CDH18: variants seen among roughly 807,000 people sequenced by gnomAD.
CDH18 encodes the protein cadherin-18.
A neutral mutation model predicts 67.9 loss-of-function variants in CDH18; 31 were observed. The observed-to-expected ratio is 0.46, with a 90% CI of 0.34 to 0.62. The LOEUF (loss-of-function observed/expected upper bound fraction) is 0.62. Among genes scored for constraint, CDH18 ranks in the 20% least tolerant of loss-of-function variants. CDH18 has a pLI of 0.01. For synonymous variants in CDH18, 362 were observed against 347.2 expected, an observed-to-expected ratio of 1.04 and a Z score of -0.48; for missense variants, 890 against 975.5, an observed-to-expected ratio of 0.91 and a Z score of 1.17.
chr5:19,796,177 T>A (rs10071458), intron 3 of CDH18, among the ~76,000 whole-genome samples: 2,912 of 152,092 alleles, frequency 0.019, 79 homozygotes, highest in African/African-American at 0.066. Flanking sequence ...GACTGAAAAC[T>A]TTTTCCCAGA....
intron 2 of CDH18, among the ~76,000 whole-genome samples, chr5:20,041,594 C>T (rs1326143149): frequency 1.3e-5 from 2 of 152,140 alleles, no homozygotes; most frequent in African/African-American, 4.8e-5. Context: ...TTGATAATGT[C>T]ACAGGGAAAA....
chr5:19,996,176 T>C (rs1736003676), intron 2 of CDH18, among the ~76,000 whole-genome samples: 1 of 152,152 alleles, frequency 6.6e-6, no homozygotes. Flanking sequence ...TATAGTAATA[T>C]ATAGTAACTC....
At chr5:20,176,669 A>T (rs1737259379) in intron 2 of CDH18, among the ~76,000 whole-genome samples, 1 of 152,172 alleles carries the variant, frequency 6.6e-6, no homozygotes, top group Admixed American at 6.6e-5. Context: ...AGTTGAATGT[A>T]TTTGGAAAAT....
rs140268110 is a variant in CDH18 at position 19,926,226 on chromosome 5, C to A, written c.-257+54834G>T. Among the ~76,000 whole-genome samples the A allele has an allele frequency of 3.3e-3, 508 of 152,104 alleles. 2 individuals carry two copies. The highest frequency in any genetic ancestry group is 0.012 in the African/African-American group (486 of 41,484). ...GTGTATTCACTAAAGTCTGAAGGAG[C>A]TTTAGAGGCTTAATAAATCAGTGAT... is the stretch of plus-strand genomic sequence containing the variant. On this transcript the variant is annotated intron_variant, in intron 2 of 12. Transcript: ENST00000382275.
chr5:20,256,090 T>C (rs1004563439), intron 1 of CDH18, among the ~76,000 whole-genome samples: 5 of 152,000 alleles, frequency 3.3e-5, no homozygotes, highest in African/African-American at 1.2e-4. Context: ...GAATTGTGAC[T>C]ATTAGATATT....
chr5:19,541,305 T>G (rs944561031), intron 9 of CDH18, among the ~76,000 whole-genome samples: 4 of 150,912 alleles, frequency 2.7e-5, no homozygotes, highest in Admixed American at 1.3e-4. Context: ...CATCTTCCTG[T>G]CTTCCGAGCA....
At chr5:19,648,252 T>C (rs757287411) in intron 5 of CDH18, among the ~76,000 whole-genome samples, 20 of 150,838 alleles carry the variant, frequency 1.3e-4, no homozygotes, top group South Asian at 4.2e-4. Flanking sequence ...CCGTCTCTAC[T>C]AAAAATACAA....
chr5:20,092,095 T>C (rs1276281611), intron 2 of CDH18, among the ~76,000 whole-genome samples: 1 of 152,094 alleles, frequency 6.6e-6, no homozygotes, highest in East Asian at 1.9e-4. Flanking sequence ...TTTACTGTAG[T>C]ATAAGATGCT....
At chr5:20,249,230 C>A (rs74793697) in intron 2 of CDH18, among the ~76,000 whole-genome samples, 8,799 of 151,868 alleles carry the variant, frequency 0.058, 298 homozygotes, top group East Asian at 0.14. Context: ...ATTTTTAAAA[C>A]TTCATCAAAA....
chr5:20,249,273 T>C (rs538687140), intron 2 of CDH18, among the ~76,000 whole-genome samples: 3 of 152,264 alleles, frequency 2.0e-5, no homozygotes, highest in African/African-American at 7.2e-5. Flanking sequence ...CCTGTATAAA[T>C]TATGTACTGA....
intron 2 of CDH18, among the ~76,000 whole-genome samples, chr5:20,245,209 C>T (rs1299354555): frequency 6.6e-6 from 1 of 152,094 alleles, no homozygotes; most frequent in Non-Finnish European, 1.5e-5. Flanking sequence ...TCTGGATACA[C>T]CATTTCTGAA....
chr5:19,744,114 T>C (rs985583001), intron 4 of CDH18, among the ~76,000 whole-genome samples: 14 of 151,918 alleles, frequency 9.2e-5, no homozygotes, highest in African/African-American at 3.1e-4. Context: ...AGTGTATATA[T>C]ACACACACAC....
chr5:20,167,980 A>G (rs1359612049), intron 2 of CDH18, among the ~76,000 whole-genome samples: 1 of 152,032 alleles, frequency 6.6e-6, no homozygotes, highest in Non-Finnish European at 1.5e-5. Flanking sequence ...ACTGGGAAAC[A>G]GCAAATACCT....
At chr5:20,138,511 G>T (rs531677213) in intron 2 of CDH18, among the ~76,000 whole-genome samples, 1 of 152,152 alleles carries the variant, frequency 6.6e-6, no homozygotes, top group Non-Finnish European at 1.5e-5. Flanking sequence ...ATTAGGAAAA[G>T]AGGAAGTCAA....
chr5:20,017,482 C>T (rs1451483141), intron 2 of CDH18, among the ~76,000 whole-genome samples: 1 of 151,814 alleles, frequency 6.6e-6, no homozygotes, highest in Admixed American at 6.6e-5. Context: ...CATTCATTGA[C>T]CAAATAAAAA....
intron 1 of CDH18, among the ~76,000 whole-genome samples, chr5:20,458,106 CTTTT>C (rs998181632): frequency 5.9e-5 from 9 of 151,826 alleles, no homozygotes; most frequent in Admixed American, 1.3e-4. Context: ...TTTTGTTTTG[CTTTT>C]TTGTTTTATT....
At chr5:19,619,620 C>T (rs1349854158) in intron 5 of CDH18, among the ~76,000 whole-genome samples, 1 of 152,212 alleles carries the variant, frequency 6.6e-6, no homozygotes, top group East Asian at 1.9e-4. Flanking sequence ...GATTAAAATA[C>T]ACCTTACATT....
chr5:20,143,816 T>G (rs926351265), intron 2 of CDH18, among the ~76,000 whole-genome samples: 1 of 152,162 alleles, frequency 6.6e-6, no homozygotes, highest in South Asian at 2.1e-4. Context: ...TTTTGGCTTA[T>G]TCAGATCGCA....
chr5:19,909,688 A>G (rs1790917813), intron 2 of CDH18, among the ~76,000 whole-genome samples: 1 of 110,578 alleles, frequency 9.0e-6, no homozygotes, highest in African/African-American at 3.8e-5. Context: ...AGTAGGTCAA[A>G]TGGCAAAAAA....
Sources: allele counts gnomAD v4.1 joint callset (sites outside exome capture counted in the v4.1 genomes callset), GRCh38; gene constraint gnomAD v4.1.1; transcripts MANE v1.5; gene names NCBI Gene and HGNC (gene_info 2026-07-23, HGNC 2026-07-21).